The following TBC1D22A variants were observed in gnomAD, a reference collection of about 807,000 sequenced individuals.
The protein encoded by TBC1D22A is putative GTPase activator.
Under a neutral mutation model 60.2 loss-of-function variants are expected in TBC1D22A, and 38 were observed. That is an observed-to-expected ratio of 0.63 (90% confidence interval 0.49 to 0.83). The LOEUF (loss-of-function observed/expected upper bound fraction) is 0.83. Ranked by LOEUF, TBC1D22A falls within the 40% of genes least tolerant of loss-of-function variation. TBC1D22A has a pLI of 0.00. For missense variants in TBC1D22A, 628 were observed against 701.0 expected (o/e 0.90, Z 1.18); for synonymous variants, 302 against 281.7 (o/e 1.07, Z -0.72).
At chr22:47,116,772 C>T (rs1299634003) in intron 12 of TBC1D22A, 2 of 152,426 alleles carry the variant, frequency 1.3e-5, no homozygotes, top group Non-Finnish European at 2.9e-5. Context: ...GCCAGCTGCT[C>T]AGTGGGGAAG....
intron 8 of TBC1D22A, among the ~76,000 whole-genome samples, chr22:46,962,458 A>G (rs1602685314): frequency 6.6e-6 from 1 of 152,214 alleles, no homozygotes; most frequent in Non-Finnish European, 1.5e-5. Flanking sequence ...AATATCTCTC[A>G]ATAAAATGTT....
intron 4 of TBC1D22A, among the ~76,000 whole-genome samples, chr22:46,845,845 C>T (rs1366882429): frequency 1.3e-5 from 2 of 152,194 alleles, no homozygotes; most frequent in Non-Finnish European, 2.9e-5. Context: ...ACTTCAGAGT[C>T]TGTCGTTCCT....
At chr22:47,150,502 C>T (rs1415434699) in intron 12 of TBC1D22A, among the ~76,000 whole-genome samples, 2 of 152,342 alleles carry the variant, frequency 1.3e-5, no homozygotes, top group African/African-American at 2.4e-5. Context: ...ACACCTGAGG[C>T]GGTCTGGGTG....
chr22:46,992,915 G>T (rs1602866843), intron 9 of TBC1D22A, among the ~76,000 whole-genome samples: 1 of 152,258 alleles, frequency 6.6e-6, no homozygotes, highest in South Asian at 2.1e-4. Flanking sequence ...AAGACTTCCC[G>T]AGGTGTTTCA....
chr22:47,155,697 C>G (rs59765604), intron 12 of TBC1D22A, among the ~76,000 whole-genome samples: 3,178 of 148,394 alleles, frequency 0.021, 117 homozygotes, highest in African/African-American at 0.076. Flanking sequence ...CGGCCGTTCT[C>G]CCACGGTCTC....
At chr22:47,060,624 G>A (rs2063541259) in intron 11 of TBC1D22A, among the ~76,000 whole-genome samples, 1 of 152,178 alleles carries the variant, frequency 6.6e-6, no homozygotes, top group Admixed American at 6.5e-5. Context: ...TAGAGACGGG[G>A]TTTTGCTGTG....
At chr22:46,927,913 ATAAAT>A (rs571209311) in intron 8 of TBC1D22A, among the ~76,000 whole-genome samples, 6 of 152,368 alleles carry the variant, frequency 3.9e-5, no homozygotes, top group South Asian at 4.1e-4. Flanking sequence ...TATTGTTGAA[ATAAAT>A]TAAAGAGGAT....
In TBC1D22A at chr22:47,173,628, C is replaced by T; in HGVS notation, c.*2C>T. ...GCCCCCAATCACTACAAGAAATGAG[C>T]CCAGGCCCACCCGCAGCTGGCCTCA... On this transcript the variant is annotated 3_prime_UTR_variant, in exon 13 of 13. Coordinates refer to ENST00000337137, the MANE Select transcript of TBC1D22A (RefSeq NM_014346.5). 1.9e-6 allele frequency: 3 copies of T among 1,613,694 alleles called. No individual in the cohort carries two copies. Among genetic ancestry groups the T allele is most frequent in the Non-Finnish European group, 2.5e-6 (3 of 1,179,816 alleles).
At chr22:46,837,003 A>AT (rs1387342097) in intron 4 of TBC1D22A, among the ~76,000 whole-genome samples, 1 of 151,946 alleles carries the variant, frequency 6.6e-6, no homozygotes, top group East Asian at 1.9e-4. Flanking sequence ...CTAAAAAAAA[A>AT]AAAAAAAATT....
intron 12 of TBC1D22A, among the ~76,000 whole-genome samples, chr22:47,140,433 C>T (rs1247375743): frequency 4.6e-5 from 7 of 151,852 alleles, no homozygotes; most frequent in Non-Finnish European, 1.0e-4. Flanking sequence ...GTGGCGGGCA[C>T]CTGTAGTCCC....
chr22:47,127,424 A>G (rs1467191227), intron 12 of TBC1D22A, among the ~76,000 whole-genome samples: 1 of 116,352 alleles, frequency 8.6e-6, no homozygotes, highest in Non-Finnish European at 1.7e-5. Context: ...TATTTTTAGT[A>G]GAGACGGCCA....
intron 9 of TBC1D22A, among the ~76,000 whole-genome samples, chr22:46,975,432 G>A (rs187287022): frequency 4.7e-4 from 71 of 152,232 alleles, no homozygotes; most frequent in African/African-American, 1.6e-3. Context: ...GTCGGTAATC[G>A]TTTTCTGAGG....
intron 4 of TBC1D22A, among the ~76,000 whole-genome samples, chr22:46,878,295 GAA>G: frequency 3.0e-5 from 1 of 33,566 alleles, no homozygotes; most frequent in East Asian, 7.5e-4. Flanking sequence ...AGAGTGGGGG[GAA>G]GGAAGAGAGA....
chr22:46,864,264 A>G (rs1430839779), intron 4 of TBC1D22A, among the ~76,000 whole-genome samples: 1 of 152,222 alleles, frequency 6.6e-6, no homozygotes, highest in African/African-American at 2.4e-5. Flanking sequence ...AACTCGAGAA[A>G]AGCTGCCAGG....
Position 47,014,602 on chromosome 22 carries a change from A to T in TBC1D22A, c.1201+16893A>T, listed in dbSNP as rs562127428. On this transcript the variant is annotated intron_variant, in intron 10 of 12. Transcript: ENST00000337137. ...CCATCCTTCACCTCACTTACTTCTC[A>T]CGGCAGCTTGTTAGGTCCGAACTAA... Among the ~76,000 whole-genome samples the T allele has an allele frequency of 2.0e-5, 3 of 152,212 alleles. No homozygotes were observed. The South Asian group carries it at 6.2e-4, about 32-fold the overall frequency.
At chr22:46,996,318 G>A (rs538804019) in intron 9 of TBC1D22A, among the ~76,000 whole-genome samples, 1 of 152,370 alleles carries the variant, frequency 6.6e-6, no homozygotes, top group South Asian at 2.1e-4. Flanking sequence ...ACTCCCTGAG[G>A]GCAGAGCTGC....
chr22:46,843,614 C>T (rs144922494), intron 4 of TBC1D22A, among the ~76,000 whole-genome samples: 3 of 152,038 alleles, frequency 2.0e-5, no homozygotes, highest in African/African-American at 4.8e-5. Flanking sequence ...CTGTAGATGA[C>T]GTCTGTAGAC....
intron 10 of TBC1D22A, among the ~76,000 whole-genome samples, chr22:47,019,337 C>T (rs927180157): frequency 6.6e-6 from 1 of 152,226 alleles, no homozygotes; most frequent in Non-Finnish European, 1.5e-5. Context: ...TGTGCTGGGA[C>T]CTGAGTGGAC....
At chr22:46,881,672 G>T (rs2067858459) in intron 5 of TBC1D22A, among the ~76,000 whole-genome samples, 2 of 152,230 alleles carry the variant, frequency 1.3e-5, no homozygotes, top group South Asian at 4.1e-4. Flanking sequence ...CTAGAGCTGG[G>T]ACAGGAAGAA....
Sources: gnomAD v4.1 joint callset for allele counts (sites outside exome capture counted in the v4.1 genomes callset) on GRCh38, gnomAD v4.1.1 for gene constraint, MANE v1.5 for transcripts, NCBI Gene and HGNC (gene_info 2026-07-23, HGNC 2026-07-21) for gene names.